Variants in NPHP3 observed in about 807,000 individuals in gnomAD.
NPHP3 encodes the protein nephrocystin-3.
Under a neutral mutation model 171.9 loss-of-function variants are expected in NPHP3, and 123 were observed. That is an observed-to-expected ratio of 0.72 (90% CI 0.62 to 0.83). The LOEUF (loss-of-function observed/expected upper bound fraction) is 0.83, where lower values mean the gene tolerates loss of function less well. Ranked by LOEUF, NPHP3 falls within the 40% of genes least tolerant of loss-of-function variation. NPHP3 has a pLI of 0.00. For missense variants in NPHP3, 1,506 were observed against 1,591.9 expected, an observed-to-expected ratio of 0.95 and a Z score of 0.92; for synonymous variants, 558 against 579.2, an observed-to-expected ratio of 0.96 and a Z score of 0.52.
chr3:132,718,784 G>A (rs1940124621), intron 3 of NPHP3, among the ~76,000 whole-genome samples: 1 of 152,236 alleles, frequency 6.6e-6, no homozygotes, highest in African/African-American at 2.4e-5. Context: ...TGACAAGGTA[G>A]AAGGAACTTC....
chr3:132,705,741 T>C lies in NPHP3; in HGVS notation c.1349A>G (p.Gln450Arg). ...AACTTACAGAGAATGCATATTTACC[T>C]GTTTAATAATCTTTTCTACACAAAT... ...TYICVEKIIK[Q>R]DILGFENTDL... Residue 450 changes from glutamine to arginine, a missense_variant and splice_region_variant, in exon 8 of 27, where the codon CAG becomes CGG. Gln to Arg is a conservative substitution (Grantham distance 43). Coordinates refer to ENST00000337331, the MANE Select transcript of NPHP3 (RefSeq NM_153240.5). The C allele has an allele frequency of 1.5e-6, 2 of 1,332,388 alleles. No homozygotes were observed. 82.5% of individuals were successfully genotyped at this position (1,332,388 alleles called of 1,614,324 possible). A position where few individuals can be genotyped will look rare whatever the true frequency, so the allele number is the denominator to read the frequency against.
Position 132,699,516 on chromosome 3 carries a change from T to G in NPHP3, c.1888-66A>C, listed in dbSNP as rs537221136. 3.8e-3 allele frequency: 3,887 copies of G among 1,010,828 alleles called. 94 individuals are homozygous for G. In the South Asian group the frequency reaches 0.042, roughly 11 times the overall value. The allele number at this position is 1,010,828 out of a possible 1,614,324, so 62.6% of individuals were successfully genotyped here. On this transcript the variant is annotated intron_variant, in intron 12 of 26. Transcript: ENST00000337331. The stretch of plus-strand genomic sequence containing the variant: ...TATTTCAAAACAATCCAATAATAGC[T>G]CCCCAAATAAAATGAAATTCTCATT...
chr3:132,684,230 G>A (rs963912037), intron 24 of NPHP3, among the ~76,000 whole-genome samples: 2 of 152,046 alleles, frequency 1.3e-5, no homozygotes, highest in Admixed American at 1.3e-4. Context: ...TAATATTGGT[G>A]GAATTTTAGA....
At chr3:132,705,548 T>G (rs994809804) in intron 8 of NPHP3, 192 bp downstream of exon 8, 3 of 469,732 alleles carry the variant, frequency 6.4e-6, no homozygotes, top group Admixed American at 7.5e-5. Flanking sequence ...AGATGAGAGA[T>G]AAAGATATTA....
At chr3:132,702,896 C>T (rs1939651939) in intron 9 of NPHP3, among the ~76,000 whole-genome samples, 2 of 152,144 alleles carry the variant, frequency 1.3e-5, no homozygotes, top group Admixed American at 1.3e-4. Context: ...ATCCATGCTT[C>T]CCAGGTTAAG....
rs865898214 is a variant in NPHP3 at position 132,712,523 on chromosome 3, T to C, written c.1118+603A>G. ...GGCCTACGCCTGTAATCCCAGCACT[T>C]TGGGAGGCCAAGGCAGGGGGATCAC... On this transcript the variant is annotated intron_variant, in intron 6 of 26. Transcript: ENST00000337331. 7.7e-5 allele frequency: 35 copies of C among 454,960 alleles called. No homozygotes were observed. The Middle Eastern group carries it at 6.3e-3, about 82-fold the overall frequency. 28.2% of individuals were successfully genotyped at this position (454,960 alleles called of 1,614,324 possible).
At chr3:132,718,078 G>A (rs778436478) in intron 3 of NPHP3, 85 of 453,970 alleles carry the variant, frequency 1.9e-4, no homozygotes, top group Middle Eastern at 3.3e-4. Context: ...TTAAAAGTTA[G>A]CAATAAAAAT....
At chr3:132,708,320 C>A (rs1213033856) in intron 6 of NPHP3, 63 bp from the exon 7 acceptor site, 24 of 1,493,594 alleles carry the variant, frequency 1.6e-5, no homozygotes, top group Non-Finnish European at 1.1e-5. Context: ...GTTAGTTAAT[C>A]AACCTAAGTG....
chr3:132,697,438 A>G, intron 13 of NPHP3, 76 bp from the exon 14 acceptor site: 1 of 962,604 alleles, frequency 1.0e-6, no homozygotes, highest in Non-Finnish European at 1.6e-6. Context: ...ACAATTTAAA[A>G]TCCACCACAG....
At chr3:132,685,728 C>A in intron 23 of NPHP3, 1 of 155,474 alleles carries the variant, frequency 6.4e-6, no homozygotes, top group Admixed American at 6.3e-5. Context: ...TAAAATACAC[C>A]AGGGAAGCTA....
chr3:132,716,618 G>A, intron 4 of NPHP3, 139 bp downstream of exon 4: 1 of 912,506 alleles, frequency 1.1e-6, no homozygotes, highest in Non-Finnish European at 1.8e-6. Flanking sequence ...CAGCCCCACT[G>A]TATGATGGTT....
In NPHP3 at chr3:132,696,730, C is replaced by T. The variant is rs1280230808; in HGVS notation, c.2171+1G>A. 42 of 1,613,510 alleles carry T rather than the reference C, an allele frequency of 2.6e-5. No individual in the cohort carries two copies. Among genetic ancestry groups the T allele is most frequent in the Non-Finnish European group, 3.5e-5 (41 of 1,179,548 alleles). ...GATCATGTAAAATAATCACCACTCA[C>T]CGCGCGATCATTTTGCCGAAAAGGG... On this transcript the variant is annotated splice_donor_variant, in intron 15 of 26. Coordinates refer to ENST00000337331, the MANE Select transcript of NPHP3 (RefSeq NM_153240.5). LOFTEE classifies it high-confidence loss of function.
In NPHP3 at chr3:132,699,416, G is replaced by A; in HGVS notation, c.1922C>T (p.Pro641Leu). The stretch of plus-strand genomic sequence containing the variant: ...AATTACTCTTACATTCACTGGCAGT[G>A]GATCTATCAGCCATTTCATGTGTTT... The part of the protein sequence containing the change: ...VEKHMKWLID[P>L]LPVNVRVIVS... Residue 641 changes from proline (P) to leucine (L), a missense_variant, in exon 13 of 27, where the codon CCA becomes CTA. This residue lies in a region of NPHP3 where 930 missense variants were observed against 924.9 expected (regional missense o/e 1.01). Coordinates refer to ENST00000337331, the MANE Select transcript of NPHP3 (RefSeq NM_153240.5). The A allele has an allele frequency of 6.2e-7, 1 of 1,611,810 alleles. No homozygotes were observed. Among genetic ancestry groups the A allele is most frequent in the Non-Finnish European group, 8.5e-7 (1 of 1,179,590 alleles).
At chr3:132,709,250 C>T in intron 6 of NPHP3, among the ~76,000 whole-genome samples, 2 of 149,626 alleles carry the variant, frequency 1.3e-5, no homozygotes, top group Non-Finnish European at 1.5e-5. Context: ...CTTCTCTCTC[C>T]CTCCCTTCTT....
chr3:132,694,292 TATC>T (rs922881613), intron 16 of NPHP3, among the ~76,000 whole-genome samples: 25 of 151,828 alleles, frequency 1.6e-4, no homozygotes, highest in Admixed American at 1.4e-3. Context: ...AACAAAAAGA[TATC>T]AACAAGAGTT....
intron 22 of NPHP3, 35 bp downstream of exon 22, chr3:132,687,116 G>A (rs762559752): frequency 2.3e-4 from 244 of 1,070,130 alleles, no homozygotes; most frequent in Non-Finnish European, 3.1e-4. Context: ...TTCCTCTTAC[G>A]TTCAAAACAC....
chr3:132,719,092 C>G lies in NPHP3; in HGVS notation c.572G>C (p.Arg191Thr), dbSNP rs780401524. ...NEIQDLLRAK[R>T]ELESKLQRLQ... The stretch of plus-strand genomic sequence containing the variant: ...CCTCTGAAGTTTGCTCTCCAACTCC[C>G]TCTTGGCCCTCAGTAAGTCCTGAAT... Residue 191 changes from arginine to threonine, a missense_variant, in exon 3 of 27, where the codon AGG (arginine) becomes ACG (threonine). By Grantham distance (71) the Arg-to-Thr change is moderately conservative. Around this residue, in one of 3 missense-constraint regions of NPHP3, gnomAD observed 930 missense variants for 924.9 expected, o/e 1.01. Coordinates refer to ENST00000337331, the MANE Select transcript of NPHP3 (RefSeq NM_153240.5). 3 of 1,613,926 alleles carry G rather than the reference C, an allele frequency of 1.9e-6. No individual in the cohort carries two copies. In the East Asian group the frequency reaches 6.7e-5, roughly 36 times the overall value.
intron 5 of NPHP3, among the ~76,000 whole-genome samples, chr3:132,714,278 C>A: frequency 6.6e-6 from 1 of 152,194 alleles, no homozygotes; most frequent in Non-Finnish European, 1.5e-5. Context: ...AATGTGAAAA[C>A]CAATCTTATC....
intron 16 of NPHP3, 155 bp from the exon 17 acceptor site, chr3:132,692,973 C>T (rs1939338416): frequency 7.4e-6 from 5 of 674,004 alleles, no homozygotes; most frequent in Non-Finnish European, 1.3e-5. Context: ...TATTAAAACA[C>T]ACTGTCCAAA....
Sources: allele counts gnomAD v4.1 joint callset (sites outside exome capture counted in the v4.1 genomes callset), GRCh38; gene constraint gnomAD v4.1.1; regional missense constraint gnomAD v4.1.1; transcripts MANE v1.5; gene names NCBI Gene and HGNC (gene_info 2026-07-23, HGNC 2026-07-21).